HEPH: variants seen among roughly 807,000 people sequenced by gnomAD.
HEPH encodes the protein hephaestin.
HEPH carries 69 observed loss-of-function variants against 80.8 expected under a neutral mutation model. The observed-to-expected ratio is 0.85, with a 90% CI of 0.70 to 1.04. The LOEUF (loss-of-function observed/expected upper bound fraction) is 1.04, where lower values mean the gene tolerates loss of function less well. HEPH is among the 50% of genes least tolerant of loss of function. The pLI, the probability that HEPH is intolerant of heterozygous loss-of-function variation, is 0.00. For missense variants in HEPH, 1,115 were observed against 891.3 expected (o/e 1.25, Z -3.20); for synonymous variants, 431 against 322.8 (o/e 1.34, Z -3.60).
chrX:66,207,638 C>CTA (rs1275502159), intron 14 of HEPH, among the ~76,000 whole-genome samples: 3 of 111,181 alleles, frequency 2.7e-5, no homozygotes, highest in East Asian at 5.7e-4. Flanking sequence ...TGTGAAAAAA[C>CTA]TATATATATA....
intron 20 of HEPH, among the ~76,000 whole-genome samples, chrX:66,266,194 G>C (rs1285929425): frequency 9.1e-6 from 1 of 110,398 alleles, no homozygotes; most frequent in Non-Finnish European, 1.9e-5. Flanking sequence ...CCCAATCTGA[G>C]TCTTAGCTCT....
intron 9 of HEPH, among the ~76,000 whole-genome samples, chrX:66,197,253 G>GA (rs1315469451): frequency 1.8e-5 from 2 of 109,660 alleles, no homozygotes; most frequent in African/African-American, 3.3e-5. Flanking sequence ...CATATTAAAA[G>GA]AAAAAAATTA....
At chrX:66,245,408 T>C (rs1234000521) in intron 15 of HEPH, among the ~76,000 whole-genome samples, 1 of 111,528 alleles carries the variant, frequency 9.0e-6, no homozygotes, top group Admixed American at 9.5e-5. Context: ...GGTAAAGGGA[T>C]CAAGTCAACA....
In HEPH at chrX:66,206,889, T is replaced by C. The variant is rs1251490983; in HGVS notation, c.2292-306T>C. On this transcript the variant is annotated intron_variant, in intron 13 of 20. Coordinates refer to ENST00000343002, the MANE Select transcript of HEPH (RefSeq NM_001367233.3). Reference sequence around the variant, plus strand: ...AAAAGTAGCCGGGCGTGGTGGCGCATGCCTGTAATCCCAGCTACTCTGGAG... The same window carrying C: ...AAAAGTAGCCGGGCGTGGTGGCGCACGCCTGTAATCCCAGCTACTCTGGAG... Among the ~76,000 whole-genome samples the C allele has an allele frequency of 2.7e-5, 3 of 109,891 alleles. No homozygotes were observed. In the East Asian group the frequency reaches 8.7e-4, roughly 32 times the overall value.
intron 12 of HEPH, among the ~76,000 whole-genome samples, chrX:66,201,537 C>A (rs2088451575): frequency 1.8e-5 from 2 of 111,329 alleles, no homozygotes; most frequent in Admixed American, 9.6e-5. Context: ...GAGCAGTTAT[C>A]TTTTCTTTAG....
rs1319765667 is a variant in HEPH, at chrX:66,251,279, CTT to C, written c.2564-3751_2564-3750del. ...TTTAACTTTATAAGGAACTGCCAAA[CTT>C]TTTTCCAGAGTGTCTGAACCATTTT... On this transcript the variant is annotated intron_variant, in intron 15 of 20. Coordinates refer to ENST00000343002, the MANE Select transcript of HEPH (RefSeq NM_001367233.3). 2.7e-5 allele frequency among the ~76,000 whole-genome samples: 3 copies of C among 111,992 alleles called. No individual in the cohort carries two copies. The Admixed American group carries it at 2.8e-4, about 11-fold the overall frequency.
chrX:66,193,207 G>T (rs2087905452), intron 7 of HEPH, among the ~76,000 whole-genome samples: 1 of 110,423 alleles, frequency 9.1e-6, no homozygotes, highest in Admixed American at 9.8e-5. Context: ...TTATAAGCAA[G>T]AATATTCCAA....
At chrX:66,261,069 AC>A (rs2091345338) in intron 19 of HEPH, among the ~76,000 whole-genome samples, 1 of 111,418 alleles carries the variant, frequency 9.0e-6, no homozygotes, top group Non-Finnish European at 1.9e-5. Context: ...AAGGCACTGA[AC>A]CTGGCCTAGT....
At chrX:66,231,854 C>T (rs1362444553) in intron 15 of HEPH, among the ~76,000 whole-genome samples, 5 of 108,155 alleles carry the variant, frequency 4.6e-5, no homozygotes, top group African/African-American at 1.7e-4. Context: ...CTGTCTTGTG[C>T]CAGTTTTCAA....
chrX:66,216,146 C>A (rs2089380243), intron 15 of HEPH, among the ~76,000 whole-genome samples: 2 of 111,518 alleles, frequency 1.8e-5, no homozygotes, highest in Non-Finnish European at 3.8e-5. Context: ...CTTAGAGGCT[C>A]TATGACCCTG....
chrX:66,177,946 A>AT (rs2086885247), intron 4 of HEPH, among the ~76,000 whole-genome samples: 2 of 82,129 alleles, frequency 2.4e-5, no homozygotes, highest in African/African-American at 1.7e-4. Flanking sequence ...CAGATTGAAG[A>AT]ATTTTTTTTT....
chrX:66,241,961 A>G (rs1331928317), intron 15 of HEPH, among the ~76,000 whole-genome samples: 2 of 110,706 alleles, frequency 1.8e-5, no homozygotes, highest in South Asian at 3.9e-4. Flanking sequence ...TGTAGATTCA[A>G]TGGTATTCCT....
In HEPH at chrX:66,260,096, G is replaced by T; in HGVS notation, c.3037-4G>T. 2 of 1,204,408 alleles carry T rather than the reference G, an allele frequency of 1.7e-6. No individual in the cohort carries two copies. Among genetic ancestry groups the T allele is most frequent in the East Asian group, 3.0e-5 (1 of 33,717 alleles). ...CTCTCCCTCATTCCCAATCTCTCTTGCAGAATGGCGAGAACTACCGGGCAG... is the reference window on the plus strand; with the variant it reads ...CTCTCCCTCATTCCCAATCTCTCTTTCAGAATGGCGAGAACTACCGGGCAG... On this transcript the variant is annotated splice_polypyrimidine_tract_variant and splice_region_variant and intron_variant, in intron 18 of 20. Coordinates refer to ENST00000343002, the MANE Select transcript of HEPH (RefSeq NM_001367233.3).
rs769453725 is a variant in HEPH, at chrX:66,203,400, G to A, written c.2114G>A (p.Arg705Gln). ...FEIYCQAGSH[R>Q]EAGMRAIYNV... ...ATTTATTGCCAGGCAGGCAGCCATC[G>A]AGAAGCAGGGATGAGGGCAATCTAT... Residue 705 changes from arginine to glutamine, a missense_variant, in exon 13 of 21, where the codon CGA (arginine) becomes CAA (glutamine). By Grantham distance (43) the Arg-to-Gln change is conservative. Coordinates refer to ENST00000343002, the MANE Select transcript of HEPH (RefSeq NM_001367233.3). 9 of 1,210,290 alleles carry A rather than the reference G, an allele frequency of 7.4e-6. No individual in the cohort carries two copies. Among genetic ancestry groups the A allele is most frequent in the South Asian group, 3.5e-5 (2 of 56,752 alleles).
chrX:66,175,813 G>T (rs2086779060), intron 4 of HEPH, among the ~76,000 whole-genome samples: 1 of 111,291 alleles, frequency 9.0e-6, no homozygotes, highest in African/African-American at 3.3e-5. Context: ...TTGATTCCCT[G>T]CTTGGTCAAT....
At chrX:66,238,797 C>T (rs766818839) in intron 15 of HEPH, among the ~76,000 whole-genome samples, 4 of 112,055 alleles carry the variant, frequency 3.6e-5, no homozygotes, top group Non-Finnish European at 7.5e-5. Flanking sequence ...GATTTACCCA[C>T]GTATTTATTA....
intron 2 of HEPH, 38 bp downstream of exon 2, chrX:66,170,775 T>C (rs769069043): frequency 1.7e-6 from 2 of 1,146,198 alleles, no homozygotes; most frequent in East Asian, 3.1e-5. Context: ...GGGGAAGTTA[T>C]GGGAGCACTC....
At chrX:66,188,932 A>G (rs1209737475) in intron 5 of HEPH, among the ~76,000 whole-genome samples, 1 of 112,660 alleles carries the variant, frequency 8.9e-6, no homozygotes, top group African/African-American at 3.2e-5. Flanking sequence ...TAGCAGAATT[A>G]TCCACTTTGT....
chrX:66,189,477 C>T (rs1232785928), intron 5 of HEPH, among the ~76,000 whole-genome samples: 1 of 111,741 alleles, frequency 8.9e-6, no homozygotes, highest in African/African-American at 3.3e-5. Flanking sequence ...TTGGTTTTCT[C>T]TCTCTCTCTC....
Sources: gnomAD v4.1 joint callset for allele counts (sites outside exome capture counted in the v4.1 genomes callset) on GRCh38, gnomAD v4.1.1 for gene constraint, MANE v1.5 for transcripts, NCBI Gene and HGNC (gene_info 2026-07-23, HGNC 2026-07-21) for gene names.